VPS26A: variants seen among roughly 807,000 people sequenced by gnomAD.
VPS26A encodes the protein VPS26 retromer complex component A.
In VPS26A, 22 loss-of-function variants were observed where a neutral mutation model predicts 42.4. The ratio of observed to expected loss-of-function variants is 0.52; its 90% confidence interval spans 0.37 to 0.74. The LOEUF (loss-of-function observed/expected upper bound fraction) is 0.74, where lower values mean the gene tolerates loss of function less well. Among genes scored for constraint, VPS26A ranks in the 30% least tolerant of loss-of-function variants. The probability of loss-of-function intolerance (pLI) is 0.00; values close to 1 mark genes in which losing one functional copy is unlikely to be tolerated. For missense variants in VPS26A, 276 were observed against 379.2 expected (o/e 0.73, Z 2.26); for synonymous variants, 110 against 123.5 (o/e 0.89, Z 0.73).
At chr10:69,154,552 A>T (rs534100736) in intron 2 of VPS26A, among the ~76,000 whole-genome samples, 2 of 151,862 alleles carry the variant, frequency 1.3e-5, no homozygotes, top group South Asian at 2.1e-4. Flanking sequence ...AAAAAAAGGA[A>T]TTCTATATAG....
intron 8 of VPS26A, chr10:69,170,075 A>G (rs1841783870): frequency 6.6e-6 from 1 of 152,246 alleles, no homozygotes; most frequent in South Asian, 2.1e-4. Flanking sequence ...TGAGTGTTCA[A>G]AGCTAAGTTA....
At chr10:69,139,043 A>G (rs887844337) in intron 2 of VPS26A, among the ~76,000 whole-genome samples, 1 of 152,104 alleles carries the variant, frequency 6.6e-6, no homozygotes, top group African/African-American at 2.4e-5. Flanking sequence ...TTTCGCCCTC[A>G]CTTAGTCTTG....
intron 2 of VPS26A, among the ~76,000 whole-genome samples, chr10:69,151,787 C>T (rs903341030): frequency 6.6e-6 from 1 of 152,148 alleles, no homozygotes; most frequent in Non-Finnish European, 1.5e-5. Flanking sequence ...TAAAATCATT[C>T]TTAAAAACTG....
At chr10:69,149,740 T>TTTTG (rs1841253200) in intron 2 of VPS26A, among the ~76,000 whole-genome samples, 2 of 43,656 alleles carry the variant, frequency 4.6e-5, no homozygotes, top group African/African-American at 1.1e-4. Flanking sequence ...TTTTGTTTTT[T>TTTTG]TTTTTTTTTT....
chr10:69,171,073 TG>T, intron 8 of VPS26A, 82 bp from the exon 9 acceptor site: 1 of 1,087,894 alleles, frequency 9.2e-7, no homozygotes, highest in Admixed American at 2.5e-5. Context: ...AATTTTATTA[TG>T]GTTAAAATTG....
rs1235841428 is a variant in VPS26A, at chr10:69,169,635, G to C, written c.870+1004G>C. Among the ~76,000 whole-genome samples, 5 of 148,072 alleles carry C rather than the reference G, an allele frequency of 3.4e-5. No homozygotes were observed. The East Asian group carries it at 8.0e-4, about 24-fold the overall frequency. On this transcript the variant is annotated intron_variant, in intron 8 of 8. Coordinates refer to ENST00000263559, the MANE Select transcript of VPS26A (RefSeq NM_004896.5). ...TTTTAAGTTTTTTTTTTGAGACAGA[G>C]TCTCGCTCTGTTGCCCAGGCTGGAG...
intron 5 of VPS26A, among the ~76,000 whole-genome samples, chr10:69,158,916 G>A (rs7909854): frequency 0.042 from 6,348 of 152,080 alleles, 463 homozygotes; most frequent in African/African-American, 0.14. Context: ...AATTTGCTTC[G>A]ATACAATCTG....
chr10:69,147,715 TTTTTTA>T (rs1396196371), intron 2 of VPS26A, among the ~76,000 whole-genome samples: 1 of 152,154 alleles, frequency 6.6e-6, no homozygotes, highest in Non-Finnish European at 1.5e-5. Flanking sequence ...TTATTTTTTA[TTTTTTA>T]TTTTTATTTT....
intron 2 of VPS26A, among the ~76,000 whole-genome samples, chr10:69,151,262 G>C (rs12781955): frequency 0.37 from 26,408 of 70,548 alleles, 3,132 homozygotes; most frequent in African/African-American, 0.45. Context: ...GAGACTCCAT[G>C]TCAAAAAAAA....
intron 2 of VPS26A, among the ~76,000 whole-genome samples, chr10:69,149,558 G>A (rs890177246): frequency 1.3e-5 from 2 of 152,012 alleles, no homozygotes; most frequent in African/African-American, 4.8e-5. Flanking sequence ...AGCATGGAGT[G>A]CAGTGGTGTG....
At chr10:69,138,663 TG>T (rs1399152685) in intron 2 of VPS26A, among the ~76,000 whole-genome samples, 1 of 152,192 alleles carries the variant, frequency 6.6e-6, no homozygotes, top group Non-Finnish European at 1.5e-5. Context: ...TATTTTTATT[TG>T]TGTATATTGT....
At chr10:69,161,307 C>T (rs1005359008) in intron 5 of VPS26A, among the ~76,000 whole-genome samples, 13 of 152,134 alleles carry the variant, frequency 8.5e-5, no homozygotes, top group South Asian at 2.1e-4. Flanking sequence ...GCAATCCTGT[C>T]GCCTTGGGCC....
At position 69,166,109 on chromosome 10, in the gene VPS26A, A is replaced by C; in HGVS notation, c.726A>C (p.Lys242Asn). 1 of 1,613,652 alleles carries C rather than the reference A, an allele frequency of 6.2e-7. No homozygotes were observed. The highest frequency in any genetic ancestry group is 8.5e-7 in the Non-Finnish European group (1 of 1,179,728). Residue 242 changes from lysine to asparagine, a missense_variant and splice_region_variant, in exon 7 of 9, where the codon AAA (lysine) becomes AAC (asparagine). Physicochemically the swap from Lys to Asn is moderately conservative, Grantham distance 94 (BLOSUM62 0). Transcript: ENST00000263559. ...KYEIMDGAPVKGESIPIRLFL... is the reference protein window; with the variant it reads ...KYEIMDGAPVNGESIPIRLFL... ...AAATAATGGATGGTGCACCAGTAAA[A>C]GGTAACACACTTTTCAGTTACTTCT...
chr10:69,160,465 T>C (rs989118847), intron 5 of VPS26A, among the ~76,000 whole-genome samples: 1 of 150,458 alleles, frequency 6.6e-6, no homozygotes, highest in Non-Finnish European at 1.5e-5. Context: ...ACATATTTTT[T>C]TTTTTTTGGA....
rs1841863777 is a variant in VPS26A at position 69,173,497 on chromosome 10, C to T, written c.*2228C>T. Among the ~76,000 whole-genome samples the T allele has an allele frequency of 6.6e-6, 1 of 152,028 alleles. No homozygotes were observed. The highest frequency in any genetic ancestry group is 1.5e-5 in the Non-Finnish European group (1 of 68,002). On this transcript the variant is annotated 3_prime_UTR_variant, in exon 9 of 9. Transcript: ENST00000263559. ...ATGAGCTGGGCATGGTGGCATGCAC[C>T]TGTATTTCCAGCTATTTAGGAAGCT...
rs1297573567 is a variant in VPS26A at position 69,156,012 on chromosome 10, T to C, written c.229+125T>C. 6 of 688,044 alleles carry C rather than the reference T, an allele frequency of 8.7e-6. No individual in the cohort carries two copies. In the African/African-American group the frequency reaches 9.0e-5, roughly 10 times the overall value. 42.6% of individuals were successfully genotyped at this position (688,044 alleles called of 1,614,324 possible). ...GAAGGAAGGAATTGATTTTGCATAA[T>C]AAAAGAGAGGATTTACTTTATAACT... On this transcript the variant is annotated intron_variant, in intron 3 of 8. Transcript: ENST00000263559.
chr10:69,173,167 G>A lies in VPS26A; in HGVS notation c.*1898G>A, dbSNP rs889931916. ...TCAAAAGTCAGCCAGCTAATTAGAAGTCATAAACTGAAAAAGAAATTTGTG... is the reference window on the plus strand; with the variant it reads ...TCAAAAGTCAGCCAGCTAATTAGAAATCATAAACTGAAAAAGAAATTTGTG... On this transcript the variant is annotated 3_prime_UTR_variant, in exon 9 of 9. Transcript: ENST00000263559. Among the ~76,000 whole-genome samples, 7 of 152,150 alleles carry A rather than the reference G, an allele frequency of 4.6e-5. No homozygotes were observed. The East Asian group carries it at 1.3e-3, about 29-fold the overall frequency.
intron 5 of VPS26A, among the ~76,000 whole-genome samples, chr10:69,158,895 T>A (rs1181875795): frequency 6.6e-6 from 1 of 152,166 alleles, no homozygotes; most frequent in Non-Finnish European, 1.5e-5. Context: ...TCAATTAAAT[T>A]ATATATGTGG....
chr10:69,170,446 A>G (rs984795329), intron 8 of VPS26A: 1 of 152,174 alleles, frequency 6.6e-6, no homozygotes, highest in African/African-American at 2.4e-5. Flanking sequence ...AAAGCCTATA[A>G]TGACTTCATG....
Sources: gnomAD v4.1 joint callset for allele counts (sites outside exome capture counted in the v4.1 genomes callset) on GRCh38, gnomAD v4.1.1 for gene constraint, MANE v1.5 for transcripts, NCBI Gene and HGNC (gene_info 2026-07-23, HGNC 2026-07-21) for gene names.